Variants in AARS2 observed in about 807,000 individuals in gnomAD.
AARS2 encodes alanyl-tRNA synthetase 2, mitochondrial, also known as alanine--tRNA ligase, mitochondrial.
AARS2 carries 78 observed loss-of-function variants against 119.7 expected under a neutral mutation model. The observed-to-expected ratio is 0.65, with a 90% confidence interval of 0.54 to 0.79. The LOEUF is 0.79. Ranked by LOEUF, AARS2 falls within the 30% of genes least tolerant of loss-of-function variation. The pLI is 0.00. For synonymous variants in AARS2, 502 were observed against 526.3 expected (o/e 0.95, Z 0.63); for missense variants, 1,157 against 1,291.3 (o/e 0.90, Z 1.59).
intron 7 of AARS2, 95 bp downstream of exon 7, chr6:44,306,828 C>A: frequency 8.2e-7 from 1 of 1,216,582 alleles, no homozygotes; most frequent in Non-Finnish European, 1.2e-6. Flanking sequence ...GTGGGGACCT[C>A]TGGGCACCCA....
chr6:44,313,332 C>G lies in AARS2; in HGVS notation c.-9G>C, dbSNP rs1023446459. 8.8e-6 allele frequency: 14 copies of G among 1,599,100 alleles called. No individual in the cohort carries two copies. The highest frequency in any genetic ancestry group is 1.2e-5 in the Non-Finnish European group (14 of 1,178,824). On this transcript the variant is annotated 5_prime_UTR_variant, in exon 1 of 22. Coordinates refer to ENST00000244571, the MANE Select transcript of AARS2 (RefSeq NM_020745.4). ...GCCACTGACGCTGCCATCGTAGCTC[C>G]GGGCAGTGACTTTACGTGGTCAAAG... is the stretch of plus-strand genomic sequence containing the variant.
intron 5 of AARS2, among the ~76,000 whole-genome samples, 161 bp downstream of exon 5, chr6:44,310,138 G>GT (rs1786220494): frequency 6.6e-6 from 1 of 152,230 alleles, no homozygotes; most frequent in South Asian, 2.1e-4. Flanking sequence ...CAGGTAATAA[G>GT]TAATGAATCC....
At chr6:44,306,595 C>T (rs1785874721) in intron 7 of AARS2, 63 bp from the exon 8 acceptor site, 1 of 1,586,454 alleles carries the variant, frequency 6.3e-7, no homozygotes, top group Non-Finnish European at 8.7e-7. Flanking sequence ...CACCTCCCCA[C>T]CCTGGGCCTC....
Position 44,311,002 on chromosome 6 carries a change from T to C in AARS2, c.741A>G (p.Gln247=). 1 of 1,613,930 alleles carries C rather than the reference T, an allele frequency of 6.2e-7. No homozygotes were observed. Among genetic ancestry groups the C allele is most frequent in the Non-Finnish European group, 8.5e-7 (1 of 1,180,020 alleles). The change falls in exon 4 of 22, where the codon CAA becomes CAG. Residue 247 remains glutamine, a synonymous_variant. Transcript: ENST00000244571. Reference sequence around the variant, plus strand: ...CTTCAGCACCCTATTACCTGTTGTGTTGCATGAAGACCAGGTTCCAAAGCT... The same window carrying C: ...CTTCAGCACCCTATTACCTGTTGTGCTGCATGAAGACCAGGTTCCAAAGCT... ...LVELWNLVFM[Q]HNREADGSLQ...
chr6:44,311,391 C>T lies in AARS2; in HGVS notation c.580G>A (p.Gly194Arg). 1 of 1,614,186 alleles carries T rather than the reference C, an allele frequency of 6.2e-7. No individual in the cohort carries two copies. The highest frequency in any genetic ancestry group is 1.3e-5 in the African/African-American group (1 of 75,042). Residue 194 changes from glycine to arginine, a missense_variant and splice_region_variant, in exon 3 of 22, where the codon GGG becomes AGG. Coordinates refer to ENST00000244571, the MANE Select transcript of AARS2 (RefSeq NM_020745.4). ...AACATAAGAAGGGGGCTGACTTACCCTAAGCTCAGCCAGATGTCCCTGGTC... is the reference window on the plus strand; with the variant it reads ...AACATAAGAAGGGGGCTGACTTACCTTAAGCTCAGCCAGATGTCCCTGGTC... Reference protein sequence around the residue: ...LETRDIWLSLGVPASRVLSFG... With the variant: ...LETRDIWLSLRVPASRVLSFG...
Position 44,302,392 on chromosome 6 carries a change from T to A in AARS2, c.2486A>T (p.Glu829Val), listed in dbSNP as rs760793511. 30 of 1,613,952 alleles carry A rather than the reference T, an allele frequency of 1.9e-5. No homozygotes were observed. In the Admixed American group the frequency reaches 4.8e-4, roughly 26 times the overall value. The change falls in exon 18 of 22, where the codon GAA becomes GTA. Residue 829 changes from glutamate (E) to valine (V), a missense_variant and splice_region_variant. By Grantham distance (121) the Glu-to-Val change is moderately radical. Coordinates refer to ENST00000244571, the MANE Select transcript of AARS2 (RefSeq NM_020745.4). ...TGGGGTGGTAGGCGTGGCCCTCACT[T>A]CAATGAGTCGTCCTATGTCCTTGGA... ...RLSKDIGRLI[E>V]AVETAVMPQW...
Position 44,303,158 on chromosome 6 carries a change from C to CACAGG in AARS2, c.2158_2162dup (p.Arg722LeufsTer41). The CACAGG allele has an allele frequency of 6.2e-7, 1 of 1,614,188 alleles. No individual in the cohort carries two copies. Among genetic ancestry groups the CACAGG allele is most frequent in the South Asian group, 1.1e-5 (1 of 91,086 alleles). On this transcript the variant is annotated frameshift_variant, in exon 16 of 22. Transcript: ENST00000244571. LOFTEE classifies it high-confidence loss of function. Reference sequence around the variant, plus strand: ...CGGGCACCCCCACTGATACCACCCGCACAGGGTCTGGGTAAACCTGAGGTC... The same window carrying CACAGG: ...CGGGCACCCCCACTGATACCACCCGCACAGGACAGGGTCTGGGTAAACCTGAGGTC...
rs1280219223 is a variant in AARS2, at chr6:44,311,131, T to C, written c.612A>G (p.Gly204=). 1 of 1,613,800 alleles carries C rather than the reference T, an allele frequency of 6.2e-7. No homozygotes were observed. Among genetic ancestry groups the C allele is most frequent in the African/African-American group, 1.3e-5 (1 of 74,824 alleles). ...GVPASRVLSF[G]PQENFWEMGD... ...CCATCTCCCAGAAGTTCTCTTGTGG[T>C]CCAAAGGAAAGCACACGGCTAGCAG... The change falls in exon 4 of 22, where the codon GGA becomes GGG. Residue 204 remains glycine (G), a synonymous_variant. Coordinates refer to ENST00000244571, the MANE Select transcript of AARS2 (RefSeq NM_020745.4).
intron 1 of AARS2, 121 bp from the exon 2 acceptor site, chr6:44,312,384 G>A (rs1786440894): frequency 9.9e-7 from 1 of 1,012,530 alleles, no homozygotes; most frequent in Non-Finnish European, 1.5e-6. Flanking sequence ...CCCTGAGAGT[G>A]CAGTGTAATC....
chr6:44,301,589 AG>A, intron 19 of AARS2, 125 bp from the exon 20 acceptor site: 1 of 925,912 alleles, frequency 1.1e-6, no homozygotes, highest in South Asian at 1.4e-5. Flanking sequence ...AAAAGTCATT[AG>A]CTCTAGGCAG....
At position 44,304,341 on chromosome 6, in the gene AARS2, C is replaced by A; in HGVS notation, c.1867-20G>T. ...CCAGGCCTGAAATACTTTTGTCACC[C>A]AGCGTCCTGGGTGAGGGCAGGGGGT... On this transcript the variant is annotated intron_variant, in intron 13 of 21. Transcript: ENST00000244571. The A allele has an allele frequency of 6.2e-7, 1 of 1,614,182 alleles. No homozygotes were observed. The highest frequency in any genetic ancestry group is 8.5e-7 in the Non-Finnish European group (1 of 1,180,030).
Position 44,307,354 on chromosome 6 carries a change from G to A in AARS2, c.935C>T (p.Ala312Val). The A allele has an allele frequency of 6.2e-7, 1 of 1,610,748 alleles. No individual in the cohort carries two copies. The highest frequency in any genetic ancestry group is 1.1e-5 in the South Asian group (1 of 90,358). ...APPYLGRVGVADEGRTDTAYR... is the reference protein window; with the variant it reads ...APPYLGRVGVVDEGRTDTAYR... Reference sequence around the variant, plus strand: ...CGCTGTGTCTGTGCGCCCCTCGTCTGCCACCCCTACTCGGCCCAAGTAAGG... The same window carrying A: ...CGCTGTGTCTGTGCGCCCCTCGTCTACCACCCCTACTCGGCCCAAGTAAGG... The change falls in exon 6 of 22, where the codon GCA (alanine) becomes GTA (valine). Residue 312 changes from alanine to valine, a missense_variant. Transcript: ENST00000244571. This position sits in a 1 kb window ranked among gnomAD's most constrained non-coding sequence, Gnocchi z 4.4.
rs140359685 is a variant in AARS2, at chr6:44,299,829, G to T, written c.*718C>A. The T allele has an allele frequency of 4.9e-3, 741 of 152,748 alleles. 1 individual carries two copies. The highest frequency in any genetic ancestry group is 8.5e-3 in the Admixed American group (130 of 15,336). The allele number at this position is 152,748 out of a possible 1,614,324, so 9.5% of individuals were successfully genotyped here. On this transcript the variant is annotated 3_prime_UTR_variant, in exon 22 of 22. Transcript: ENST00000244571. ...TGCCCACTGTTGCCTGGCACGCAGAGCCTGTCCGAACACTCATGGCAATGA... is the reference window on the plus strand; with the variant it reads ...TGCCCACTGTTGCCTGGCACGCAGATCCTGTCCGAACACTCATGGCAATGA...
At chr6:44,304,995 A>G in intron 11 of AARS2, 59 bp downstream of exon 11, 2 of 1,613,686 alleles carry the variant, frequency 1.2e-6, no homozygotes, top group East Asian at 2.2e-5. Context: ...CATCTTGGAC[A>G]TTCTTCTTAG....
intron 5 of AARS2, among the ~76,000 whole-genome samples, chr6:44,309,112 CT>C (rs1394896924): frequency 6.6e-6 from 1 of 152,222 alleles, no homozygotes; most frequent in Non-Finnish European, 1.5e-5. Flanking sequence ...GGCTTTGTGA[CT>C]TGCTTTGGCC....
At position 44,308,447 on chromosome 6, in the gene AARS2, G is replaced by A. The variant is rs892672223; in HGVS notation, c.895-1053C>T. On this transcript the variant is annotated intron_variant, in intron 5 of 21. Coordinates refer to ENST00000244571, the MANE Select transcript of AARS2 (RefSeq NM_020745.4). The stretch of plus-strand genomic sequence containing the variant: ...CCAGCTACTCTGGAGGCTGAGGCAC[G>A]AGAATTGCTTGAGCCCCGGAGGCAG... Among the ~76,000 whole-genome samples the A allele has an allele frequency of 2.2e-3, 334 of 151,838 alleles. 5 individuals carry two copies. The highest frequency in any genetic ancestry group is 2.4e-3 in the Admixed American group (37 of 15,272).
chr6:44,301,549 G>A (rs1785359262), intron 19 of AARS2, 85 bp from the exon 20 acceptor site: 1 of 1,308,768 alleles, frequency 7.6e-7, no homozygotes, highest in African/African-American at 1.4e-5. Flanking sequence ...AGCCCCAGCT[G>A]AGCAATCCCC....
intron 3 of AARS2, 110 bp downstream of exon 3, chr6:44,311,280 C>G: frequency 6.2e-7 from 1 of 1,603,420 alleles, no homozygotes; most frequent in South Asian, 1.1e-5. Context: ...AGGGCTGACC[C>G]CACAATATCC....
Position 44,299,176 on chromosome 6 carries a change from G to T in AARS2, c.*1371C>A, listed in dbSNP as rs1197245354. On this transcript the variant is annotated 3_prime_UTR_variant, in exon 22 of 22. Coordinates refer to ENST00000244571, the MANE Select transcript of AARS2 (RefSeq NM_020745.4). ...GCTCCCTGCTCACATGTCACCTCTT[G>T]GTGAGGGAATATCACCATCCACACT... Among the ~76,000 whole-genome samples, 1 of 152,014 alleles carries T rather than the reference G, an allele frequency of 6.6e-6. No individual in the cohort carries two copies. The highest frequency in any genetic ancestry group is 2.4e-5 in the African/African-American group (1 of 41,372).
Sources: allele counts gnomAD v4.1 joint callset (sites outside exome capture counted in the v4.1 genomes callset), GRCh38; gene constraint gnomAD v4.1.1; non-coding constraint Gnocchi (gnomAD v3.1); transcripts MANE v1.5; gene names NCBI Gene and HGNC (gene_info 2026-07-23, HGNC 2026-07-21).